ANKRD30B: variants seen among roughly 807,000 people sequenced by gnomAD.
ANKRD30B encodes ankyrin repeat domain 30B.
A neutral mutation model predicts 202.2 loss-of-function variants in ANKRD30B; 144 were observed. That is an observed-to-expected ratio of 0.71 (90% CI 0.62 to 0.82). The LOEUF (loss-of-function observed/expected upper bound fraction) is 0.82, where lower values mean the gene tolerates loss of function less well. Ranked by LOEUF, ANKRD30B falls within the 40% of genes least tolerant of loss-of-function variation. The pLI, the probability that ANKRD30B is intolerant of heterozygous loss-of-function variation, is 0.00. For missense variants in ANKRD30B, 1,487 were observed against 1,669.1 expected, an observed-to-expected ratio of 0.89 and a Z score of 1.90; for synonymous variants, 508 against 561.3, an observed-to-expected ratio of 0.91 and a Z score of 1.34.
the ANKRD30B span, among the ~76,000 whole-genome samples, chr18:14,906,493 C>A: frequency 6.6e-6 from 1 of 152,192 alleles, no homozygotes; most frequent in Admixed American, 6.5e-5. Flanking sequence ...TTGATATGCT[C>A]ATTTTCAGCC....
chr18:14,767,934 G>C (rs1916510873), intron 7 of ANKRD30B, among the ~76,000 whole-genome samples: 1 of 152,130 alleles, frequency 6.6e-6, no homozygotes, highest in South Asian at 2.1e-4. Context: ...TCTATATTTG[G>C]TCTTCAACAC....
chr18:14,755,981 C>T (rs989781098), intron 4 of ANKRD30B, among the ~76,000 whole-genome samples: 12 of 152,000 alleles, frequency 7.9e-5, no homozygotes, highest in East Asian at 5.8e-4. Flanking sequence ...ATCGCCACAC[C>T]GACTTCCACA....
rs1969007592 is a variant in ANKRD30B at position 14,797,671 on chromosome 18, T to A, written c.1938T>A (p.Asp646Glu). The A allele has an allele frequency of 4.4e-6, 7 of 1,608,906 alleles. No individual in the cohort carries two copies. The highest frequency in any genetic ancestry group is 6.0e-6 in the Non-Finnish European group (7 of 1,175,534). Residue 646 changes from aspartate (D) to glutamate (E), a missense_variant, in exon 19 of 44, where the codon GAT (aspartate) becomes GAA (glutamate). Physicochemically the swap from Asp to Glu is conservative, Grantham distance 45. Coordinates refer to ENST00000690538, the MANE Select transcript of ANKRD30B (RefSeq NM_001367607.2). ...TCCCTTTTCTTTTAGAGTCTCCTGA[T>A]AAAGATGGTCTTCTGAAGGTAATAG... is the stretch of plus-strand genomic sequence containing the variant. ...DRETFKAESP[D>E]KDGLLKPTCG...
At chr18:14,765,469 A>AAAAAAG (rs1296300617) in intron 7 of ANKRD30B, among the ~76,000 whole-genome samples, 20 of 152,092 alleles carry the variant, frequency 1.3e-4, no homozygotes, top group Non-Finnish European at 2.1e-4. Context: ...TCTGAAAAAA[A>AAAAAAG]AAAAAGAAAA....
rs369740753 is a variant in ANKRD30B, at chr18:14,797,744, C to T, written c.1957-38C>T. The T allele has an allele frequency of 4.1e-5, 66 of 1,600,106 alleles. No homozygotes were observed. In the South Asian group the frequency reaches 7.3e-4, roughly 18 times the overall value. On this transcript the variant is annotated intron_variant, in intron 19 of 43. Coordinates refer to ENST00000690538, the MANE Select transcript of ANKRD30B (RefSeq NM_001367607.2). ...ATTAACTACATATTTTTGAAGTGTA[C>T]ATTATATATTAATTTTTGTGTTTCC...
At chr18:14,831,620 AGT>A (rs1491564388) in intron 34 of ANKRD30B, among the ~76,000 whole-genome samples, 165 bp downstream of exon 34, 1 of 151,524 alleles carries the variant, frequency 6.6e-6, no homozygotes, top group Non-Finnish European at 1.5e-5. Flanking sequence ...TGATTTAAAC[AGT>A]TTTTTTTTTG....
chr18:14,848,028 C>G (rs1182601412), intron 39 of ANKRD30B, among the ~76,000 whole-genome samples: 1 of 152,076 alleles, frequency 6.6e-6, no homozygotes, highest in African/African-American at 2.4e-5. Flanking sequence ...TTTTACCAGA[C>G]TCTAAGATTT....
the ANKRD30B span, among the ~76,000 whole-genome samples, chr18:14,869,115 G>A: frequency 7.2e-5 from 11 of 152,154 alleles, no homozygotes; most frequent in Admixed American, 1.3e-4. Context: ...CTAAATGGTC[G>A]CCTCTTGTTG....
chr18:14,907,174 C>T, the ANKRD30B span, among the ~76,000 whole-genome samples: 6 of 152,024 alleles, frequency 3.9e-5, no homozygotes, highest in Admixed American at 1.3e-4. Context: ...GAGGCAGGTC[C>T]GACCCCCACT....
chr18:14,914,250 G>C, the ANKRD30B span, among the ~76,000 whole-genome samples: 1 of 152,162 alleles, frequency 6.6e-6, no homozygotes. Context: ...TTTAAATAAA[G>C]GTGCTTTGTT....
intron 6 of ANKRD30B, among the ~76,000 whole-genome samples, chr18:14,760,878 G>T (rs1460466816): frequency 6.6e-6 from 1 of 151,776 alleles, no homozygotes; most frequent in Non-Finnish European, 1.5e-5. Flanking sequence ...ATTTAATTAT[G>T]GTCCCTAAAA....
intron 30 of ANKRD30B, among the ~76,000 whole-genome samples, chr18:14,821,857 C>T (rs1450982881): frequency 6.6e-6 from 1 of 152,128 alleles, no homozygotes; most frequent in Non-Finnish European, 1.5e-5. Flanking sequence ...TATAAAAATA[C>T]TCGTATTTCA....
At chr18:14,931,945 C>G in the ANKRD30B span, among the ~76,000 whole-genome samples, 12 of 137,400 alleles carry the variant, frequency 8.7e-5, no homozygotes, top group East Asian at 2.2e-4. Flanking sequence ...GGCCCCCCAC[C>G]CCACCTCCCT....
chr18:14,874,127 T>A, the ANKRD30B span, among the ~76,000 whole-genome samples: 2 of 152,196 alleles, frequency 1.3e-5, no homozygotes, highest in Admixed American at 6.5e-5. Flanking sequence ...AGTTAATGCA[T>A]GGGAAGGGCT....
chr18:14,866,080 C>A, the ANKRD30B span, among the ~76,000 whole-genome samples: 31 of 152,000 alleles, frequency 2.0e-4, no homozygotes, highest in African/African-American at 6.8e-4. Context: ...AAAGTCCAAT[C>A]AGAGAAGGCC....
At chr18:14,776,752 G>A (rs575353652) in intron 9 of ANKRD30B, among the ~76,000 whole-genome samples, 27 of 152,232 alleles carry the variant, frequency 1.8e-4, no homozygotes, top group Admixed American at 4.6e-4. Flanking sequence ...AATGAATTGC[G>A]TACTTTATCT....
At chr18:14,848,028 C>T (rs1182601412) in intron 39 of ANKRD30B, among the ~76,000 whole-genome samples, 2 of 152,076 alleles carry the variant, frequency 1.3e-5, no homozygotes, top group East Asian at 1.9e-4. Flanking sequence ...TTTTACCAGA[C>T]TCTAAGATTT....
chr18:14,835,254 C>T (rs1801877516), intron 34 of ANKRD30B, among the ~76,000 whole-genome samples: 1 of 151,562 alleles, frequency 6.6e-6, no homozygotes, highest in Admixed American at 6.6e-5. Flanking sequence ...CATTTTTGCT[C>T]ATAATATAGG....
chr18:14,899,399 C>A, the ANKRD30B span, among the ~76,000 whole-genome samples: 1 of 152,030 alleles, frequency 6.6e-6, no homozygotes, highest in Non-Finnish European at 1.5e-5. Flanking sequence ...TCAAAGATGA[C>A]AAAATCTAGT....
Sources: allele counts gnomAD v4.1 joint callset (sites outside exome capture counted in the v4.1 genomes callset), GRCh38; gene constraint gnomAD v4.1.1; transcripts MANE v1.5; gene names NCBI Gene and HGNC (gene_info 2026-07-23, HGNC 2026-07-21).